Variants in SLC66A3 observed in about 807,000 individuals in gnomAD.
The protein encoded by SLC66A3 is PQ loop repeat containing 3.
Under a neutral mutation model 25.5 loss-of-function variants are expected in SLC66A3, and 23 were observed. The observed-to-expected ratio is 0.90, with a 90% CI of 0.65 to 1.28. The LOEUF is 1.28. Ranked by LOEUF, SLC66A3 falls within the 50% of genes most tolerant of loss-of-function variation. The pLI is 0.00. For missense variants in SLC66A3, 246 were observed against 262.1 expected (o/e 0.94, Z 0.42); for synonymous variants, 108 against 112.6 (o/e 0.96, Z 0.26).
intron 4 of SLC66A3, among the ~76,000 whole-genome samples, chr2:11,170,645 G>A (rs930410168): frequency 6.6e-6 from 1 of 151,120 alleles, no homozygotes; most frequent in Non-Finnish European, 1.5e-5. Flanking sequence ...CTGGAGTGCA[G>A]TGATATGATC....
Position 11,177,952 on chromosome 2 carries a change from G to GT in SLC66A3, c.*131dup, listed in dbSNP as rs890216153. ...CAGTTTATAATCTTTAAAGCCAAAGGTTTTTTTAGACTTGAAAGAAAGAGC... is the reference window on the plus strand; with the variant it reads ...CAGTTTATAATCTTTAAAGCCAAAGGTTTTTTTTAGACTTGAAAGAAAGAGC... On this transcript the variant is annotated 3_prime_UTR_variant, in exon 7 of 7. Transcript: ENST00000295083. 9.0e-4 allele frequency: 572 copies of GT among 638,668 alleles called. 1 individual carries two copies. In the African/African-American group the frequency reaches 9.5e-3, roughly 11 times the overall value. 39.6% of individuals were successfully genotyped at this position (638,668 alleles called of 1,614,324 possible).
At chr2:11,162,806 C>T (rs1662174270) in intron 3 of SLC66A3, among the ~76,000 whole-genome samples, 1 of 152,036 alleles carries the variant, frequency 6.6e-6, no homozygotes, top group African/African-American at 2.4e-5. Flanking sequence ...CGGGGTTTCA[C>T]CATGTTAGCC....
rs192701320 is a variant in SLC66A3 at position 11,160,348 on chromosome 2, C to A, written c.144-118C>A. On this transcript the variant is annotated intron_variant, in intron 1 of 6. Coordinates refer to ENST00000295083, the MANE Select transcript of SLC66A3 (RefSeq NM_152391.5). ...TCTAAACCTTCCTCTTTGACACTGG[C>A]GTGTCCACACCCCCACTGCAAGGAT... is the stretch of plus-strand genomic sequence containing the variant. 4.4e-5 allele frequency: 35 copies of A among 804,294 alleles called. No individual in the cohort carries two copies. In the Admixed American group the frequency reaches 4.4e-4, roughly 10 times the overall value. 49.8% of individuals were successfully genotyped at this position (804,294 alleles called of 1,614,324 possible). A position where few individuals can be genotyped will look rare whatever the true frequency, so the allele number is the denominator to read the frequency against.
chr2:11,177,801 C>T lies in SLC66A3; in HGVS notation c.582C>T (p.Tyr194=). Residue 194 remains tyrosine (Y), a synonymous_variant, in exon 7 of 7, where the codon TAC becomes TAT. Coordinates refer to ENST00000295083, the MANE Select transcript of SLC66A3 (RefSeq NM_152391.5). ...GGGTAACAGTGACAGTACTTCGCTACCGGAAGACCGCTATAAAGGCTGAAT... is the reference window on the plus strand; with the variant it reads ...GGGTAACAGTGACAGTACTTCGCTATCGGAAGACCGCTATAAAGGCTGAAT... ...NIWVTVTVLR[Y]RKTAIKAE The T allele has an allele frequency of 3.7e-6, 6 of 1,608,934 alleles. No individual in the cohort carries two copies. The highest frequency in any genetic ancestry group is 5.1e-6 in the Non-Finnish European group (6 of 1,175,946).
At position 11,175,999 on chromosome 2, in the gene SLC66A3, A is replaced by T. The variant is rs1179535690; in HGVS notation, c.517+990A>T. Among the ~76,000 whole-genome samples, 3 of 152,240 alleles carry T rather than the reference A, an allele frequency of 2.0e-5. No individual in the cohort carries two copies. In the South Asian group the frequency reaches 6.2e-4, roughly 31 times the overall value. Reference sequence around the variant, plus strand: ...ATAGGACTAAAATTGTTCTGGTCAAAGCATAAACTTTGATCAAGTGGGAAA... The same window carrying T: ...ATAGGACTAAAATTGTTCTGGTCAATGCATAAACTTTGATCAAGTGGGAAA... On this transcript the variant is annotated intron_variant, in intron 6 of 6. Coordinates refer to ENST00000295083, the MANE Select transcript of SLC66A3 (RefSeq NM_152391.5).
At chr2:11,170,125 T>C (rs1662498243) in intron 4 of SLC66A3, among the ~76,000 whole-genome samples, 1 of 152,166 alleles carries the variant, frequency 6.6e-6, no homozygotes, top group Non-Finnish European at 1.5e-5. Context: ...CGTCAGCCAC[T>C]GTGCCCAGCC....
chr2:11,169,836 TC>T (rs1399842233), intron 4 of SLC66A3, among the ~76,000 whole-genome samples: 4,384 of 121,222 alleles, frequency 0.036, 326 homozygotes, highest in African/African-American at 0.14. Context: ...TGGATTTCTC[TC>T]TTTTTTTTTT....
chr2:11,165,665 G>A (rs904924013), intron 4 of SLC66A3, among the ~76,000 whole-genome samples: 2 of 152,100 alleles, frequency 1.3e-5, no homozygotes, highest in African/African-American at 2.4e-5. Context: ...CAAGGCAGGC[G>A]GCTGGGAGGT....
rs1032592175 is a variant in SLC66A3, at chr2:11,178,125, C to T, written c.*297C>T. 8.7e-6 allele frequency: 2 copies of T among 229,942 alleles called. No homozygotes were observed. The highest frequency in any genetic ancestry group is 5.6e-5 in the Admixed American group (1 of 18,002). 14.2% of individuals were successfully genotyped at this position (229,942 alleles called of 1,614,324 possible). On this transcript the variant is annotated 3_prime_UTR_variant, in exon 7 of 7. Transcript: ENST00000295083. ...CATTTTGAGGCCATTTTGAGCCTTACTCTTAAGTTCTCTATGAAGAACTAC... is the reference window on the plus strand; with the variant it reads ...CATTTTGAGGCCATTTTGAGCCTTATTCTTAAGTTCTCTATGAAGAACTAC...
Position 11,160,599 on chromosome 2 carries a change from C to A in SLC66A3, c.227-26C>A, listed in dbSNP as rs373960969. 72 of 1,614,082 alleles carry A rather than the reference C, an allele frequency of 4.5e-5. No homozygotes were observed. The African/African-American group carries it at 9.3e-4, about 21-fold the overall frequency. On this transcript the variant is annotated intron_variant, in intron 2 of 6. Transcript: ENST00000295083. The stretch of plus-strand genomic sequence containing the variant: ...GACTGCCACGGGTCTCCCCTTCCCC[C>A]CTCACTCGGAGCCTCTCTCTTTCAG...
At chr2:11,174,140 T>C (rs149636414) in intron 5 of SLC66A3, among the ~76,000 whole-genome samples, 1,706 of 152,236 alleles carry the variant, frequency 0.011, 28 homozygotes, top group African/African-American at 0.039. Flanking sequence ...GTATTTTTAA[T>C]AGAGACAGGG....
chr2:11,160,687 A>G lies in SLC66A3; in HGVS notation c.289A>G (p.Ile97Val), dbSNP rs759536021. Reference sequence around the variant, plus strand: ...GAACGTGAAGCAGGCCACTCCTTACATCGCTGTGTATCCTTTCTGAATCTG... The same window carrying G: ...GAACGTGAAGCAGGCCACTCCTTACGTCGCTGTGTATCCTTTCTGAATCTG... ...NGNVKQATPY[I>V]AVLVSSWFIL... Residue 97 changes from isoleucine to valine, a missense_variant, in exon 3 of 7, where the codon ATC becomes GTC. Ile to Val is a conservative substitution (Grantham distance 29). Transcript: ENST00000295083. 16 of 1,613,576 alleles carry G rather than the reference A, an allele frequency of 9.9e-6. No individual in the cohort carries two copies. Among genetic ancestry groups the G allele is most frequent in the Middle Eastern group, 1.6e-4 (1 of 6,084 alleles).
chr2:11,171,886 A>C (rs756407594), intron 4 of SLC66A3, 39 bp from the exon 5 acceptor site: 2 of 1,610,980 alleles, frequency 1.2e-6, no homozygotes, highest in Admixed American at 3.3e-5. Flanking sequence ...TTTTTTAACA[A>C]ATCGACTCGT....
In SLC66A3 at chr2:11,155,733, C is replaced by G. The variant is rs758075846; in HGVS notation, c.143+44C>G. ...GGGGCTGCCTCCTGCCCCCTCGCAG[C>G]TGCTGCCGGCTGGGAGCCCAGGAGA... On this transcript the variant is annotated intron_variant, in intron 1 of 6. Transcript: ENST00000295083. The G allele has an allele frequency of 1.4e-5, 18 of 1,322,536 alleles. No individual in the cohort carries two copies. In the Middle Eastern group the frequency reaches 7.6e-4, roughly 56 times the overall value. 81.9% of individuals were successfully genotyped at this position (1,322,536 alleles called of 1,614,324 possible). A position where few individuals can be genotyped will look rare whatever the true frequency, so the allele number is the denominator to read the frequency against.
chr2:11,157,205 C>T (rs1023215625), intron 1 of SLC66A3, among the ~76,000 whole-genome samples: 6 of 152,388 alleles, frequency 3.9e-5, no homozygotes, highest in African/African-American at 1.4e-4. Context: ...CCTCTCCCAG[C>T]TCACCTTAGT....
chr2:11,164,345 A>ATATATATT, intron 4 of SLC66A3, 84 bp downstream of exon 4: 29 of 92,744 alleles, frequency 3.1e-4, no homozygotes, highest in African/African-American at 8.7e-4. Flanking sequence ...ATATATATAT[A>ATATATATT]TTTTTTTTTT....
chr2:11,172,818 G>A (rs1347991302), intron 5 of SLC66A3: 2 of 406,550 alleles, frequency 4.9e-6, no homozygotes, highest in South Asian at 3.5e-5. Flanking sequence ...TTTCCAAGTA[G>A]CTGGGAGTAC....
chr2:11,160,376 G>A (rs1296708682), intron 1 of SLC66A3, 90 bp from the exon 2 acceptor site: 27 of 1,126,816 alleles, frequency 2.4e-5, no homozygotes, highest in Non-Finnish European at 3.4e-5. Context: ...GCAAGGATTC[G>A]GCAAACTGAC....
intron 4 of SLC66A3, among the ~76,000 whole-genome samples, chr2:11,165,182 GA>G (rs1662279306): frequency 6.6e-6 from 1 of 151,602 alleles, no homozygotes; most frequent in African/African-American, 2.4e-5. Context: ...CTCCCTCCTG[GA>G]CAGGGCGGCT....
Sources: allele counts gnomAD v4.1 joint callset (sites outside exome capture counted in the v4.1 genomes callset), GRCh38; gene constraint gnomAD v4.1.1; transcripts MANE v1.5; gene names NCBI Gene and HGNC (gene_info 2026-07-23, HGNC 2026-07-21).